Variants in KCNMB2 observed in about 807,000 individuals in gnomAD.
KCNMB2 encodes calcium-activated potassium channel subunit beta-2.
Under a neutral mutation model 24.5 loss-of-function variants are expected in KCNMB2, and 9 were observed. The ratio of observed to expected loss-of-function variants is 0.37; its 90% CI spans 0.22 to 0.64. KCNMB2 has a LOEUF of 0.64. Ranked by LOEUF, KCNMB2 falls within the 30% of genes least tolerant of loss-of-function variation. The pLI, the probability that KCNMB2 is intolerant of heterozygous loss-of-function variation, is 0.63. For synonymous variants in KCNMB2, 109 were observed against 104.4 expected, an observed-to-expected ratio of 1.04 and a Z score of -0.27; for missense variants, 226 against 284.3, an observed-to-expected ratio of 0.79 and a Z score of 1.47.
chr3:178,752,051 T>C (rs1319210362), intron 1 of KCNMB2, among the ~76,000 whole-genome samples: 3 of 152,204 alleles, frequency 2.0e-5, no homozygotes. Flanking sequence ...AAGCCAACAG[T>C]ATATGTGGGG....
intron 1 of KCNMB2, among the ~76,000 whole-genome samples, chr3:178,665,814 C>T (rs1379091316): frequency 6.6e-6 from 1 of 152,082 alleles, no homozygotes; most frequent in Non-Finnish European, 1.5e-5. Context: ...TAATATAATG[C>T]CAGGAGAATA....
At chr3:178,572,017 C>T (rs1217394055) in intron 1 of KCNMB2, among the ~76,000 whole-genome samples, 1 of 152,122 alleles carries the variant, frequency 6.6e-6, no homozygotes, top group Non-Finnish European at 1.5e-5. Context: ...CTTTGTTTCC[C>T]ACTCTGTAAA....
intron 2 of KCNMB2, among the ~76,000 whole-genome samples, chr3:178,814,664 A>T (rs1189232065): frequency 6.6e-6 from 1 of 152,096 alleles, no homozygotes; most frequent in Non-Finnish European, 1.5e-5. Context: ...CTTTTTAATA[A>T]TAGCCATCCT....
At chr3:178,629,125 T>C (rs1719222751) in intron 1 of KCNMB2, among the ~76,000 whole-genome samples, 1 of 152,198 alleles carries the variant, frequency 6.6e-6, no homozygotes, top group African/African-American at 2.4e-5. Context: ...CCTATTTCAG[T>C]TCCCGGTTAG....
chr3:178,552,908 CTAG>C (rs1323631977), intron 1 of KCNMB2, among the ~76,000 whole-genome samples: 3 of 152,162 alleles, frequency 2.0e-5, no homozygotes, highest in Non-Finnish European at 2.9e-5. Flanking sequence ...TCTTTGCTAA[CTAG>C]TGCAGAGTTT....
At chr3:178,547,620 A>G (rs928054303) in intron 1 of KCNMB2, among the ~76,000 whole-genome samples, 5 of 152,130 alleles carry the variant, frequency 3.3e-5, no homozygotes, top group Non-Finnish European at 7.4e-5. Context: ...GACTTGAATT[A>G]TGTTTAACTA....
intron 1 of KCNMB2, among the ~76,000 whole-genome samples, chr3:178,656,240 T>C (rs1720338003): frequency 1.3e-5 from 2 of 152,226 alleles, no homozygotes; most frequent in Non-Finnish European, 2.9e-5. Context: ...GAATTATTTC[T>C]GACAACTGAA....
At chr3:178,680,202 C>T (rs1721218800) in intron 1 of KCNMB2, among the ~76,000 whole-genome samples, 1 of 152,152 alleles carries the variant, frequency 6.6e-6, no homozygotes, top group Non-Finnish European at 1.5e-5. Context: ...TACTGCAAAG[C>T]CTGTGGGAGA....
intron 1 of KCNMB2, among the ~76,000 whole-genome samples, chr3:178,802,768 A>G (rs1396105530): frequency 6.6e-6 from 1 of 152,136 alleles, no homozygotes; most frequent in Non-Finnish European, 1.5e-5. Context: ...TTATGTCTTT[A>G]TATCTCAGAA....
intron 1 of KCNMB2, among the ~76,000 whole-genome samples, chr3:178,546,068 G>A (rs1373638359): frequency 1.3e-5 from 2 of 152,036 alleles, no homozygotes; most frequent in Non-Finnish European, 2.9e-5. Flanking sequence ...TTTCTCTGTT[G>A]GAATGAATCA....
intron 1 of KCNMB2, among the ~76,000 whole-genome samples, chr3:178,794,795 AC>A (rs1312431318): frequency 6.6e-6 from 1 of 152,160 alleles, no homozygotes; most frequent in East Asian, 1.9e-4. Context: ...TTAAGTAATC[AC>A]CACAGCTCTG....
At chr3:178,648,351 A>T (rs1719993358) in intron 1 of KCNMB2, among the ~76,000 whole-genome samples, 1 of 152,194 alleles carries the variant, frequency 6.6e-6, no homozygotes, top group African/African-American at 2.4e-5. Context: ...CATCCTGGGC[A>T]ACATAGCAAG....
chr3:178,824,514 C>A, intron 2 of KCNMB2: 1 of 154,922 alleles, frequency 6.5e-6, no homozygotes. Context: ...ACTACAGGCG[C>A]CCGCCACCAC....
chr3:178,696,703 T>A (rs1050586243), intron 1 of KCNMB2, among the ~76,000 whole-genome samples: 1 of 152,218 alleles, frequency 6.6e-6, no homozygotes, highest in Non-Finnish European at 1.5e-5. Flanking sequence ...GTTGTTAACT[T>A]GAGATCTTTC....
At chr3:178,777,174 G>A (rs956680855) in intron 1 of KCNMB2, among the ~76,000 whole-genome samples, 3 of 152,262 alleles carry the variant, frequency 2.0e-5, no homozygotes, top group South Asian at 2.1e-4. Flanking sequence ...GGTGGCTCAC[G>A]CCTGTAATCC....
chr3:178,753,082 C>T (rs907614347), intron 1 of KCNMB2, among the ~76,000 whole-genome samples: 7 of 152,158 alleles, frequency 4.6e-5, no homozygotes, highest in African/African-American at 1.7e-4. Context: ...TGCTTGCTCT[C>T]TGCATGTTAT....
intron 1 of KCNMB2, among the ~76,000 whole-genome samples, chr3:178,597,558 T>C (rs929747657): frequency 1.3e-5 from 2 of 152,074 alleles, no homozygotes; most frequent in African/African-American, 4.8e-5. Context: ...TGGGATAAAA[T>C]TGGCATGCAA....
intron 1 of KCNMB2, among the ~76,000 whole-genome samples, chr3:178,558,251 A>G (rs548770388): frequency 2.0e-5 from 3 of 152,314 alleles, no homozygotes; most frequent in Non-Finnish European, 4.4e-5. Context: ...CACTCAATAC[A>G]TTGTTTGAAA....
chr3:178,669,448 A>C (rs1414332062), intron 1 of KCNMB2, among the ~76,000 whole-genome samples: 1 of 152,114 alleles, frequency 6.6e-6, no homozygotes, highest in African/African-American at 2.4e-5. Context: ...CAGGAATTCT[A>C]ATGCAGGCCT....
Sources: gnomAD v4.1 joint callset for allele counts (sites outside exome capture counted in the v4.1 genomes callset) on GRCh38, gnomAD v4.1.1 for gene constraint, MANE v1.5 for transcripts, NCBI Gene and HGNC (gene_info 2026-07-23, HGNC 2026-07-21) for gene names.